LBP: variants seen among roughly 807,000 people sequenced by gnomAD.
LBP encodes the protein lipopolysaccharide binding protein.
In LBP, 53 loss-of-function variants were observed where a neutral mutation model predicts 56.6. The ratio of observed to expected loss-of-function variants is 0.94; its 90% CI spans 0.75 to 1.18. LBP has a LOEUF of 1.18. LBP is among the 50% of genes most tolerant of loss of function. The pLI is 0.00. For synonymous variants in LBP, 227 were observed against 247.5 expected (o/e 0.92, Z 0.78); for missense variants, 601 against 598.3 (o/e 1.00, Z -0.05).
intron 5 of LBP, among the ~76,000 whole-genome samples, chr20:38,356,439 CACACACACACACA>C (rs2076840922): frequency 1.3e-5 from 2 of 149,480 alleles, no homozygotes; most frequent in African/African-American, 2.5e-5. Flanking sequence ...CACACACACA[CACACACACACACA>C]CACCCTCGTC....
rs140486354 is a variant in LBP at position 38,374,274 on chromosome 20, G to A, written c.1401+261G>A. Reference sequence around the variant, plus strand: ...CCACATCCCATCCCTACCATGAGGGGCCTGAGGGAAGCTCAAGACCAGCTC... The same window carrying A: ...CCACATCCCATCCCTACCATGAGGGACCTGAGGGAAGCTCAAGACCAGCTC... On this transcript the variant is annotated intron_variant, in intron 14 of 14. Transcript: ENST00000217407. 9.1e-3 allele frequency among the ~76,000 whole-genome samples: 1,380 copies of A among 152,294 alleles called. 26 individuals are homozygous for A. Among genetic ancestry groups the A allele is most frequent in the African/African-American group, 0.031 (1,308 of 41,570 alleles).
At chr20:38,369,235 C>T in intron 10 of LBP, 73 bp downstream of exon 10, 4 of 1,425,236 alleles carry the variant, frequency 2.8e-6, no homozygotes, top group Non-Finnish European at 3.8e-6. Flanking sequence ...ACATGCTTTT[C>T]TCCCCACTCA....
intron 6 of LBP, among the ~76,000 whole-genome samples, chr20:38,361,792 G>C (rs2076860982): frequency 6.6e-6 from 1 of 151,416 alleles, no homozygotes; most frequent in Non-Finnish European, 1.5e-5. Flanking sequence ...GTTTTTACAT[G>C]CATGTAACCA....
In LBP at chr20:38,350,902, C is replaced by G; in HGVS notation, c.331C>G (p.Arg111Gly). 2 of 1,614,066 alleles carry G rather than the reference C, an allele frequency of 1.2e-6. No individual in the cohort carries two copies. The highest frequency in any genetic ancestry group is 1.7e-6 in the Non-Finnish European group (2 of 1,179,952). The change falls in exon 3 of 15, where the codon CGG becomes GGG. Residue 111 changes from arginine (R) to glycine (G), a missense_variant. Arg to Gly is a moderately radical substitution (Grantham distance 125, BLOSUM62 -2). Transcript: ENST00000217407. ...TCTCAGCATCTCCGACTCCTCCATC[C>G]GGGTCCAGGGCAGGTGGAAGGTGCG... ...LSLSISDSSI[R>G]VQGRWKVRKS...
intron 8 of LBP, 95 bp from the exon 9 acceptor site, chr20:38,366,674 G>A (rs909218857): frequency 3.2e-5 from 37 of 1,163,438 alleles, no homozygotes; most frequent in South Asian, 6.1e-5. Context: ...GTGGAGAAGC[G>A]ACAGTCTTGC....
At chr20:38,362,779 C>T (rs549299169) in intron 6 of LBP, among the ~76,000 whole-genome samples, 1 of 152,046 alleles carries the variant, frequency 6.6e-6, no homozygotes, top group South Asian at 2.1e-4. Context: ...GAAACCCCAT[C>T]TCTACAATAA....
rs757874594 is a variant in LBP at position 38,369,004 on chromosome 20, C to T, written c.991C>T (p.Leu331Phe). 24 of 1,613,988 alleles carry T rather than the reference C, an allele frequency of 1.5e-5. No individual in the cohort carries two copies. Among genetic ancestry groups the T allele is most frequent in the Non-Finnish European group, 1.9e-5 (22 of 1,179,974 alleles). ...FRPFVPRLAR[L>F]YPNMNLELQG... ...CTAATTCTGCTCCCAGTTAGCCAGG[C>T]TCTACCCCAACATGAACCTGGAACT... The change falls in exon 10 of 15, where the codon CTC (leucine) becomes TTC (phenylalanine). Residue 331 changes from leucine (L) to phenylalanine (F), a missense_variant. By Grantham distance (22) the Leu-to-Phe change is conservative (BLOSUM62 0). Coordinates refer to ENST00000217407, the MANE Select transcript of LBP (RefSeq NM_004139.5).
At chr20:38,364,554 T>A (rs767823554) in intron 7 of LBP, 22 bp from the exon 8 acceptor site, 2 of 1,613,414 alleles carry the variant, frequency 1.2e-6, no homozygotes, top group Non-Finnish European at 8.5e-7. Context: ...AAAGTCCAAT[T>A]GGACCCTATT....
intron 14 of LBP, among the ~76,000 whole-genome samples, chr20:38,374,997 A>G (rs2076913280): frequency 1.4e-5 from 2 of 147,144 alleles, no homozygotes; most frequent in African/African-American, 5.1e-5. Context: ...AGGTTTCACA[A>G]TGCTGGCCAG....
rs150619238 is a variant in LBP at position 38,356,980 on chromosome 20, C to T, written c.588+1571C>T. On this transcript the variant is annotated intron_variant, in intron 5 of 14. Coordinates refer to ENST00000217407, the MANE Select transcript of LBP (RefSeq NM_004139.5). The stretch of plus-strand genomic sequence containing the variant: ...AAGCAATTCTTCTGCCTCAGCCTCC[C>T]GAGTATATGAGACCACAGGCACGTG... Among the ~76,000 whole-genome samples, 52 of 152,206 alleles carry T rather than the reference C, an allele frequency of 3.4e-4. No individual in the cohort carries two copies. In the East Asian group the frequency reaches 9.1e-3, roughly 27 times the overall value.
chr20:38,360,756 A>T lies in LBP; in HGVS notation c.641A>T (p.Gln214Leu). Residue 214 changes from glutamine to leucine, a missense_variant, in exon 6 of 15, where the codon CAA becomes CTA. Physicochemically the swap from Gln to Leu is moderately radical, Grantham distance 113. Coordinates refer to ENST00000217407, the MANE Select transcript of LBP (RefSeq NM_004139.5). Reference protein sequence around the residue: ...SVSSDLQPYLQTLPVTTEIDS... With the variant: ...SVSSDLQPYLLTLPVTTEIDS... The stretch of plus-strand genomic sequence containing the variant: ...TCCTCCGATCTACAGCCTTATCTCC[A>T]AACTCTGCCAGGTAGGACACCCCAT... The T allele has an allele frequency of 6.2e-7, 1 of 1,611,854 alleles. No individual in the cohort carries two copies. Among genetic ancestry groups the T allele is most frequent in the East Asian group, 2.2e-5 (1 of 44,872 alleles).
At chr20:38,367,968 G>C (rs1037998536) in intron 9 of LBP, among the ~76,000 whole-genome samples, 6 of 151,860 alleles carry the variant, frequency 4.0e-5, no homozygotes, top group South Asian at 4.2e-4. Context: ...AAAGTGGGGG[G>C]GTAGCTTGAG....
chr20:38,372,580 T>A lies in LBP; in HGVS notation c.1261-492T>A, dbSNP rs539608270. ...CCAGTTTGTAGTAAGTCCCTTTCATTCTGTAGGCCTCAGTTTCCCGATATA... is the reference window on the plus strand; with the variant it reads ...CCAGTTTGTAGTAAGTCCCTTTCATACTGTAGGCCTCAGTTTCCCGATATA... On this transcript the variant is annotated intron_variant, in intron 12 of 14. Coordinates refer to ENST00000217407, the MANE Select transcript of LBP (RefSeq NM_004139.5). Among the ~76,000 whole-genome samples, 4 of 152,256 alleles carry A rather than the reference T, an allele frequency of 2.6e-5. No homozygotes were observed. In the East Asian group the frequency reaches 7.7e-4, roughly 29 times the overall value.
In LBP at chr20:38,364,140, C is replaced by T. The variant is rs41427446; in HGVS notation, c.744+74C>T. ...CAGCCATTCTTTGGGCCACCTGTCCCCCCAACTTCAGATCTGTCCTCATCC... is the reference window on the plus strand; with the variant it reads ...CAGCCATTCTTTGGGCCACCTGTCCTCCCAACTTCAGATCTGTCCTCATCC... On this transcript the variant is annotated intron_variant, in intron 7 of 14. Coordinates refer to ENST00000217407, the MANE Select transcript of LBP (RefSeq NM_004139.5). 41 of 999,782 alleles carry T rather than the reference C, an allele frequency of 4.1e-5. No individual in the cohort carries two copies. In the East Asian group the frequency reaches 9.9e-4, roughly 24 times the overall value. The allele number at this position is 999,782 out of a possible 1,614,324, so 61.9% of individuals were successfully genotyped here.
intron 1 of LBP, among the ~76,000 whole-genome samples, chr20:38,348,040 G>A (rs539033425): frequency 3.9e-5 from 6 of 152,314 alleles, no homozygotes; most frequent in East Asian, 1.9e-4. Flanking sequence ...AAGGGGTAGC[G>A]TTCCAGGCGG....
chr20:38,375,977 G>A lies in LBP; in HGVS notation c.1402-648G>A, dbSNP rs74521350. ...GCTCTTGAGCATTTATAAGTAGTCA[G>A]ACAGATCGTTGTTCAAAGCAAAGAT... On this transcript the variant is annotated intron_variant, in intron 14 of 14. Transcript: ENST00000217407. Among the ~76,000 whole-genome samples the A allele has an allele frequency of 9.2e-3, 1,397 of 152,302 alleles. 23 individuals are homozygous for A. The highest frequency in any genetic ancestry group is 0.03 in the African/African-American group (1,234 of 41,574).
intron 3 of LBP, among the ~76,000 whole-genome samples, chr20:38,352,461 C>CA (rs534100874): frequency 1.5e-3 from 226 of 152,152 alleles, no homozygotes; most frequent in Non-Finnish European, 2.9e-3. Context: ...AACAAACAAA[C>CA]AAAAAAACAG....
At chr20:38,366,956 G>A in intron 9 of LBP, 128 bp downstream of exon 9, 1 of 842,446 alleles carries the variant, frequency 1.2e-6, no homozygotes, top group East Asian at 2.4e-5. Context: ...TCCCACTGAA[G>A]GCTGGGGTGC....
chr20:38,364,767 A>C lies in LBP; in HGVS notation c.921+15A>C. The C allele has an allele frequency of 6.3e-7, 1 of 1,594,142 alleles. No homozygotes were observed. The highest frequency in any genetic ancestry group is 1.2e-5 in the South Asian group (1 of 86,732). On this transcript the variant is annotated intron_variant, in intron 8 of 14. Coordinates refer to ENST00000217407, the MANE Select transcript of LBP (RefSeq NM_004139.5). The stretch of plus-strand genomic sequence containing the variant: ...CAGATGACATGGTGAGGATGGTGGC[A>C]AACAGGTCTCTCAAATGAACACATA...
Sources: allele counts gnomAD v4.1 joint callset (sites outside exome capture counted in the v4.1 genomes callset), GRCh38; gene constraint gnomAD v4.1.1; transcripts MANE v1.5; gene names NCBI Gene and HGNC (gene_info 2026-07-23, HGNC 2026-07-21).